ZFHX4: variants seen among roughly 807,000 people sequenced by gnomAD.
The protein encoded by ZFHX4 is zinc finger homeobox 4.
A neutral mutation model predicts 267.6 loss-of-function variants in ZFHX4; 56 were observed. The ratio of observed to expected loss-of-function variants is 0.21; its 90% CI spans 0.17 to 0.26. ZFHX4 has a LOEUF of 0.26. ZFHX4 is among the 10% of genes least tolerant of loss of function. ZFHX4 has a pLI of 1.00. For synonymous variants in ZFHX4, 1,778 were observed against 1,665.6 expected, an observed-to-expected ratio of 1.07 and a Z score of -1.64; for missense variants, 4,332 against 4,420.0, an observed-to-expected ratio of 0.98 and a Z score of 0.56.
intron 3 of ZFHX4, among the ~76,000 whole-genome samples, chr8:76,715,231 G>A (rs966150861): frequency 1.3e-5 from 2 of 152,040 alleles, no homozygotes; most frequent in South Asian, 2.1e-4. Context: ...GGTGGCTCAC[G>A]CCTGTGATCC....
chr8:76,767,931 C>A (rs1399514140), intron 3 of ZFHX4, among the ~76,000 whole-genome samples: 1 of 152,106 alleles, frequency 6.6e-6, no homozygotes. Context: ...ATAACTGTAA[C>A]ACAAAAATAG....
chr8:76,683,508 G>T (rs1004859915), intron 1 of ZFHX4, among the ~76,000 whole-genome samples: 17 of 151,118 alleles, frequency 1.1e-4, no homozygotes, highest in South Asian at 8.4e-4. Context: ...AAATCTGGCC[G>T]TCCTGATTTC....
At chr8:76,822,820 C>T (rs1294295754) in intron 4 of ZFHX4, among the ~76,000 whole-genome samples, 2 of 152,038 alleles carry the variant, frequency 1.3e-5, no homozygotes. Context: ...AGAGTTTTGC[C>T]CTTACCCTTC....
At chr8:76,744,813 G>A (rs1809416195) in intron 3 of ZFHX4, among the ~76,000 whole-genome samples, 1 of 152,162 alleles carries the variant, frequency 6.6e-6, no homozygotes, top group South Asian at 2.1e-4. Context: ...TCATCCTGAT[G>A]AGGTATGTAC....
At position 76,757,035 on chromosome 8, in the gene ZFHX4, C is replaced by T. The variant is rs757640635; in HGVS notation, c.3094-21173C>T. Among the ~76,000 whole-genome samples the T allele has an allele frequency of 5.9e-5, 9 of 152,136 alleles. 1 individual carries two copies. In the South Asian group the frequency reaches 8.3e-4, roughly 14 times the overall value. ...TATAGCCATATTTAATCAATACACA[C>T]GCAGCCGACTCTTATCTCAGGAATT... On this transcript the variant is annotated intron_variant, in intron 3 of 10. Coordinates refer to ENST00000651372, the MANE Select transcript of ZFHX4 (RefSeq NM_024721.5).
chr8:76,856,229 G>A lies in ZFHX4; in HGVS notation c.9308G>A (p.Gly3103Asp), dbSNP rs946675211. The A allele has an allele frequency of 6.2e-7, 1 of 1,613,762 alleles. No individual in the cohort carries two copies. Among genetic ancestry groups the A allele is most frequent in the Non-Finnish European group, 8.5e-7 (1 of 1,179,862 alleles). ...CCAACAGCCTACCCCGGACTCCCCGGCCTTCCTCCAGTCCTTCTCCCCGGA... is the reference window on the plus strand; with the variant it reads ...CCAACAGCCTACCCCGGACTCCCCGACCTTCCTCCAGTCCTTCTCCCCGGA... ...SLPTAYPGLP[G>D]LPPVLLPGMN... Residue 3103 changes from glycine to aspartate, a missense_variant, in exon 10 of 11, where the codon GGC becomes GAC. Transcript: ENST00000651372.
At chr8:76,737,211 A>G (rs1478573499) in intron 3 of ZFHX4, among the ~76,000 whole-genome samples, 1 of 152,122 alleles carries the variant, frequency 6.6e-6, no homozygotes, top group African/African-American at 2.4e-5. Flanking sequence ...GAGTAAATTT[A>G]CCCTCTCTCA....
intron 4 of ZFHX4, among the ~76,000 whole-genome samples, chr8:76,817,271 T>C (rs748646299): frequency 3.9e-5 from 6 of 152,224 alleles, no homozygotes; most frequent in Non-Finnish European, 7.4e-5. Context: ...GTACTATTGG[T>C]ACTTGCTCAT....
At chr8:76,697,117 A>G (rs902183412) in intron 1 of ZFHX4, among the ~76,000 whole-genome samples, 18 of 151,950 alleles carry the variant, frequency 1.2e-4, no homozygotes, top group Non-Finnish European at 2.2e-4. Context: ...TGGTTATGAG[A>G]TCATATTGGT....
chr8:76,843,120 A>G (rs1004502819), intron 6 of ZFHX4, among the ~76,000 whole-genome samples: 3 of 152,168 alleles, frequency 2.0e-5, no homozygotes, highest in African/African-American at 7.2e-5. Flanking sequence ...GATTCCTCTG[A>G]TGGCATATTA....
chr8:76,849,105 G>A lies in ZFHX4; in HGVS notation c.3622G>A (p.Asp1208Asn). The A allele has an allele frequency of 1.9e-6, 3 of 1,561,864 alleles. No individual in the cohort carries two copies. The highest frequency in any genetic ancestry group is 2.6e-6 in the Non-Finnish European group (3 of 1,152,930). Residue 1208 changes from aspartate (D) to asparagine (N), a missense_variant, in exon 7 of 11, where the codon GAC (aspartate) becomes AAC (asparagine). Asp to Asn is a conservative substitution (Grantham distance 23). Transcript: ENST00000651372. Reference protein sequence around the residue: ...VATKRSKPTEDNKFCHEQFYQ... With the variant: ...VATKRSKPTENNKFCHEQFYQ... ...AACAAAAAGGTCAAAACCTACAGAG[G>A]ACAATAAATTCTGTCATGAACAGGT...
chr8:76,864,492 A>C lies in ZFHX4; in HGVS notation c.10778A>C (p.Glu3593Ala). 6.2e-7 allele frequency: 1 copy of C among 1,613,598 alleles called. No individual in the cohort carries two copies. Among genetic ancestry groups the C allele is most frequent in the Non-Finnish European group, 8.5e-7 (1 of 1,179,784 alleles). Residue 3593 changes from glutamate (E) to alanine (A), a missense_variant, in exon 11 of 11, where the codon GAA becomes GCA. Around this residue, in one of 7 missense-constraint regions of ZFHX4, gnomAD observed 1,648 missense variants for 1,625.0 expected, o/e 1.01. Coordinates refer to ENST00000651372, the MANE Select transcript of ZFHX4 (RefSeq NM_024721.5). The stretch of plus-strand genomic sequence containing the variant: ...CTAGAAGACTTAGATAATTCTTTGG[A>C]AGTGAAGGCTAAGCCTGCTTCTGGC... ...QKLEDLDNSL[E>A]VKAKPASGLD...
Position 76,852,748 on chromosome 8 carries a change from A to G in ZFHX4, c.5827A>G (p.Thr1943Ala), listed in dbSNP as rs766463421. The G allele has an allele frequency of 6.2e-7, 1 of 1,613,674 alleles. No homozygotes were observed. Among genetic ancestry groups the G allele is most frequent in the South Asian group, 1.1e-5 (1 of 91,018 alleles). ...GGGCAAAAGTGGTGAAGGCGAAAAC[A>G]CTGACAAACTAGAATGTGGAACATG... ...KKGKSGEGEN[T>A]DKLECGTCGK... The change falls in exon 10 of 11, where the codon ACT becomes GCT. Residue 1943 changes from threonine (T) to alanine (A), a missense_variant. Physicochemically the swap from Thr to Ala is moderately conservative, Grantham distance 58. Transcript: ENST00000651372.
chr8:76,744,287 G>A (rs974826283), intron 3 of ZFHX4, among the ~76,000 whole-genome samples: 1 of 151,994 alleles, frequency 6.6e-6, no homozygotes, highest in African/African-American at 2.4e-5. Flanking sequence ...CGGAGGTTGC[G>A]GGGAGTCGAG....
In ZFHX4 at chr8:76,705,851, C is replaced by A; in HGVS notation, c.1763C>A (p.Pro588His). 1 of 1,613,876 alleles carries A rather than the reference C, an allele frequency of 6.2e-7. No individual in the cohort carries two copies. The highest frequency in any genetic ancestry group is 8.5e-7 in the Non-Finnish European group (1 of 1,179,864). The stretch of plus-strand genomic sequence containing the variant: ...GGAGACGAAGACAGTTCAGCCACTC[C>A]TCACCAGCATGGCTTTACCCCGAGT... ...ARGDEDSSAT[P>H]HQHGFTPSTP... Residue 588 changes from proline (P) to histidine (H), a missense_variant, in exon 2 of 11, where the codon CCT becomes CAT. Pro to His is a moderately conservative substitution (Grantham distance 77). This residue lies in a region of ZFHX4 where 1,195 missense variants were observed against 1,173.6 expected (regional missense o/e 1.02). Coordinates refer to ENST00000651372, the MANE Select transcript of ZFHX4 (RefSeq NM_024721.5).
chr8:76,681,982 G>A (rs1395049770), intron 1 of ZFHX4, among the ~76,000 whole-genome samples: 1 of 152,254 alleles, frequency 6.6e-6, no homozygotes, highest in Middle Eastern at 3.4e-3. Flanking sequence ...GATCATCTAC[G>A]TTTGCTTGGG....
chr8:76,691,680 G>T (rs1325495331), intron 1 of ZFHX4, among the ~76,000 whole-genome samples: 1 of 152,094 alleles, frequency 6.6e-6, no homozygotes, highest in Non-Finnish European at 1.5e-5. Context: ...TGTTATGGGT[G>T]CCCTTGTCCA....
rs544329365 is a variant in ZFHX4, at chr8:76,769,601, C to A, written c.3094-8607C>A. Among the ~76,000 whole-genome samples, 7 of 152,266 alleles carry A rather than the reference C, an allele frequency of 4.6e-5. No individual in the cohort carries two copies. In the South Asian group the frequency reaches 1.4e-3, roughly 32 times the overall value. On this transcript the variant is annotated intron_variant, in intron 3 of 10. Coordinates refer to ENST00000651372, the MANE Select transcript of ZFHX4 (RefSeq NM_024721.5). Reference sequence around the variant, plus strand: ...TCCTGGGCTCAAGCCATCTGCCTGCCTCAGCCTCCCAAAGTGCTAGGATCA... The same window carrying A: ...TCCTGGGCTCAAGCCATCTGCCTGCATCAGCCTCCCAAAGTGCTAGGATCA...
chr8:76,832,863 C>G (rs542390709), intron 4 of ZFHX4, among the ~76,000 whole-genome samples: 1 of 152,200 alleles, frequency 6.6e-6, no homozygotes, highest in Non-Finnish European at 1.5e-5. Context: ...ATGACTTGGA[C>G]TTATTCTTCA....
Sources: gnomAD v4.1 joint callset for allele counts (sites outside exome capture counted in the v4.1 genomes callset) on GRCh38, gnomAD v4.1.1 for gene constraint, gnomAD v4.1.1 regional missense constraint, MANE v1.5 for transcripts, NCBI Gene and HGNC (gene_info 2026-07-23, HGNC 2026-07-21) for gene names.